Variants in CRELD1 observed in about 807,000 individuals in gnomAD.
CRELD1 encodes CRELD disulfide isomerase 1.
Under a neutral mutation model 58.2 loss-of-function variants are expected in CRELD1, and 42 were observed. The observed-to-expected ratio is 0.72, with a 90% confidence interval of 0.56 to 0.93. The LOEUF (loss-of-function observed/expected upper bound fraction) is 0.93. Ranked by LOEUF, CRELD1 falls within the 40% of genes least tolerant of loss-of-function variation. The probability of loss-of-function intolerance (pLI) is 0.00; values close to 1 mark genes in which losing one functional copy is unlikely to be tolerated. For missense variants in CRELD1, 500 were observed against 540.6 expected (o/e 0.92, Z 0.74); for synonymous variants, 222 against 202.0 (o/e 1.10, Z -0.84).
chr3:9,934,640 G>A, intron 2 of CRELD1, 28 bp downstream of exon 2: 1 of 1,610,344 alleles, frequency 6.2e-7, no homozygotes, highest in Non-Finnish European at 8.5e-7. Context: ...CTCGTTAGAG[G>A]GGAACACAGC....
chr3:9,934,068 C>T (rs2085085164), intron 1 of CRELD1, 148 bp downstream of exon 1: 1 of 349,816 alleles, frequency 2.9e-6, no homozygotes, highest in African/African-American at 2.1e-5. Context: ...CCCCTCTGGC[C>T]TCCTCTCCTT....
At chr3:9,942,369 A>G (rs557434704) in intron 7 of CRELD1, among the ~76,000 whole-genome samples, 5 of 152,042 alleles carry the variant, frequency 3.3e-5, no homozygotes, top group Admixed American at 2.6e-4. Context: ...GAGCTCTGCT[A>G]GTCATAATCA....
chr3:9,942,252 CAA>C (rs945070214), intron 7 of CRELD1, among the ~76,000 whole-genome samples: 11 of 144,994 alleles, frequency 7.6e-5, no homozygotes, highest in African/African-American at 2.6e-4. Context: ...GCCTGGGTGA[CAA>C]GAGCGAAACT....
intron 8 of CRELD1, 87 bp downstream of exon 8, chr3:9,942,983 A>G (rs2085409485): frequency 1.3e-6 from 2 of 1,539,214 alleles, no homozygotes; most frequent in Non-Finnish European, 1.8e-6. Context: ...TCCCCTTCTC[A>G]GGCTTCAGAG....
At chr3:9,944,255 G>A (rs2085457837) in intron 10 of CRELD1, 110 bp from the exon 11 acceptor site, 1 of 996,014 alleles carries the variant, frequency 1.0e-6, no homozygotes, top group South Asian at 1.3e-5. Context: ...TGGCTTGCTG[G>A]GCAGGCCTGG....
intron 4 of CRELD1, 104 bp from the exon 5 acceptor site, chr3:9,937,911 A>G: frequency 1.1e-6 from 1 of 884,148 alleles, no homozygotes; most frequent in Non-Finnish European, 1.8e-6. Flanking sequence ...CTTATGTCCA[A>G]GCTGGGTTGA....
At chr3:9,934,636 A>AC (rs769314701) in intron 2 of CRELD1, 24 bp downstream of exon 2, 3 of 1,610,730 alleles carry the variant, frequency 1.9e-6, no homozygotes, top group Non-Finnish European at 2.5e-6. Context: ...CAGCCTCGTT[A>AC]GAGGGGAACA....
At chr3:9,937,483 G>A in intron 3 of CRELD1, 79 bp from the exon 4 acceptor site, 1 of 934,826 alleles carries the variant, frequency 1.1e-6, no homozygotes, top group East Asian at 2.5e-5. Context: ...CACCGCACGA[G>A]GAAGGGTGGA....
At chr3:9,942,053 T>G (rs1375205737) in intron 7 of CRELD1, among the ~76,000 whole-genome samples, 2 of 152,054 alleles carry the variant, frequency 1.3e-5, no homozygotes, top group African/African-American at 2.4e-5. Flanking sequence ...GTGGATCACC[T>G]GAGGTCAGGA....
intron 5 of CRELD1, among the ~76,000 whole-genome samples, chr3:9,940,291 C>T (rs1291317473): frequency 1.3e-5 from 2 of 152,170 alleles, no homozygotes; most frequent in Admixed American, 6.5e-5. Flanking sequence ...GCTGCAATCT[C>T]GGCACTTTGG....
chr3:9,941,810 A>AG (rs1457592676), intron 7 of CRELD1, among the ~76,000 whole-genome samples: 1 of 151,162 alleles, frequency 6.6e-6, no homozygotes, highest in Admixed American at 6.6e-5. Flanking sequence ...AAAAAAAAAA[A>AG]AAAAAATGAG....
intron 7 of CRELD1, among the ~76,000 whole-genome samples, chr3:9,941,863 G>A (rs1322543046): frequency 2.6e-5 from 4 of 151,418 alleles, no homozygotes; most frequent in African/African-American, 9.7e-5. Context: ...CTTGGGGTCA[G>A]GAAACCTGGG....
chr3:9,934,809 AGCTATT>A lies in CRELD1; in HGVS notation c.175-25_175-20del, dbSNP rs772757496. The stretch of plus-strand genomic sequence containing the variant: ...CTAGCATGTGCCAGGCACTGTACTT[AGCTATT>A]ACTAATTTTCTGTTTCCAGGGCCTG... On this transcript the variant is annotated intron_variant, in intron 2 of 10. Transcript: ENST00000452070. 5.8e-5 allele frequency: 93 copies of A among 1,598,566 alleles called. No individual in the cohort carries two copies. Among genetic ancestry groups the A allele is most frequent in the Non-Finnish European group, 7.4e-5 (86 of 1,169,508 alleles).
At position 9,943,181 on chromosome 3, in the gene CRELD1, C is replaced by A; in HGVS notation, c.913+9C>A. On this transcript the variant is annotated intron_variant, in intron 9 of 10. Transcript: ENST00000452070. Reference sequence around the variant, plus strand: ...GGGCTCCAAGTGTCTCGGTGAGTCTCCTGCTGATGGGACACAGGCACCTGG... The same window carrying A: ...GGGCTCCAAGTGTCTCGGTGAGTCTACTGCTGATGGGACACAGGCACCTGG... 6.2e-7 allele frequency: 1 copy of A among 1,610,962 alleles called. No homozygotes were observed. Among genetic ancestry groups the A allele is most frequent in the African/African-American group, 1.3e-5 (1 of 74,970 alleles).
In CRELD1 at chr3:9,937,661, G is replaced by T; in HGVS notation, c.357G>T (p.Trp119Cys). ...LELSEELVES[W>C]WFHKQQEAPD... is the part of the protein sequence containing the mutation. ...TGAGTGAGGAGCTGGTGGAGAGCTG[G>T]TGGTTTCACAAGTGAGTGGCAAAGG... The change falls in exon 4 of 11, where the codon TGG becomes TGT. Residue 119 changes from tryptophan to cysteine, a missense_variant. Trp to Cys is a radical substitution (Grantham distance 215). Transcript: ENST00000452070. 1 of 1,606,596 alleles carries T rather than the reference G, an allele frequency of 6.2e-7. No homozygotes were observed. Among genetic ancestry groups the T allele is most frequent in the Non-Finnish European group, 8.5e-7 (1 of 1,177,120 alleles).
chr3:9,944,176 C>A, intron 10 of CRELD1, 189 bp from the exon 11 acceptor site: 2 of 791,838 alleles, frequency 2.5e-6, no homozygotes, highest in Admixed American at 3.4e-5. Flanking sequence ...GCCTCACTTT[C>A]CCATTTAGTG....
intron 7 of CRELD1, among the ~76,000 whole-genome samples, chr3:9,942,514 T>G (rs1430411006): frequency 6.6e-6 from 1 of 152,136 alleles, no homozygotes; most frequent in East Asian, 1.9e-4. Flanking sequence ...GGAAAGAAAG[T>G]GCATTGAGGA....
intron 5 of CRELD1, 107 bp downstream of exon 5, chr3:9,938,213 A>C (rs931804745): frequency 1.2e-5 from 10 of 838,220 alleles, no homozygotes; most frequent in Non-Finnish European, 2.0e-5. Context: ...ACTCAGATAA[A>C]CTTCTCTGGA....
At chr3:9,937,139 A>G (rs771221805) in intron 3 of CRELD1, among the ~76,000 whole-genome samples, 1 of 152,194 alleles carries the variant, frequency 6.6e-6, no homozygotes. Flanking sequence ...GCTTTTCCAC[A>G]GTGGTGATGC....
Sources: gnomAD v4.1 joint callset for allele counts (sites outside exome capture counted in the v4.1 genomes callset) on GRCh38, gnomAD v4.1.1 for gene constraint, MANE v1.5 for transcripts, NCBI Gene and HGNC (gene_info 2026-07-23, HGNC 2026-07-21) for gene names.